RPTOR: variants seen among roughly 807,000 people sequenced by gnomAD.
RPTOR encodes regulatory associated protein of MTOR complex 1, also known as regulatory-associated protein of mTOR.
In RPTOR, 21 loss-of-function variants were observed where a neutral mutation model predicts 169.9. The observed-to-expected ratio is 0.12, with a 90% CI of 0.09 to 0.18. The LOEUF (loss-of-function observed/expected upper bound fraction) is 0.18, where lower values mean the gene tolerates loss of function less well. RPTOR is among the 10% of genes least tolerant of loss of function. RPTOR has a pLI of 1.00. For missense variants in RPTOR, 1,133 were observed against 1,855.9 expected (o/e 0.61, Z 7.16); for synonymous variants, 732 against 753.2 (o/e 0.97, Z 0.46).
chr17:80,740,236 A>G (rs1265418011), intron 5 of RPTOR, among the ~76,000 whole-genome samples: 1 of 152,244 alleles, frequency 6.6e-6, no homozygotes, highest in Non-Finnish European at 1.5e-5. Context: ...GATAATCTGA[A>G]TAGTCATAGA....
At chr17:80,937,021 C>T (rs569733635) in intron 24 of RPTOR, among the ~76,000 whole-genome samples, 5 of 152,284 alleles carry the variant, frequency 3.3e-5, no homozygotes, top group South Asian at 4.2e-4. Context: ...CCTCTGTCCA[C>T]GGAGGGGACT....
intron 7 of RPTOR, among the ~76,000 whole-genome samples, chr17:80,807,788 G>C (rs1004120957): frequency 3.3e-5 from 5 of 151,876 alleles, no homozygotes; most frequent in Non-Finnish European, 7.4e-5. Flanking sequence ...TGAGCATCCT[G>C]TTTTTTCCAT....
At chr17:80,748,023 G>C (rs1403698059) in intron 5 of RPTOR, among the ~76,000 whole-genome samples, 1 of 132,838 alleles carries the variant, frequency 7.5e-6, no homozygotes, top group Non-Finnish European at 1.5e-5. Context: ...GAGGGACTGC[G>C]GTGTGTGTTT....
rs1305413424 is a variant in RPTOR at position 80,651,024 on chromosome 17, A to G, written c.348+7214A>G. 6.6e-6 allele frequency among the ~76,000 whole-genome samples: 1 copy of G among 152,158 alleles called. No homozygotes were observed. Among genetic ancestry groups the G allele is most frequent in the Middle Eastern group, 3.2e-3 (1 of 316 alleles). ...TTGTCTGTGTGTATGACAAATTGCA[A>G]ATGAGGACCCCCCACCGTCAGGCTG... On this transcript the variant is annotated intron_variant, in intron 3 of 33. Coordinates refer to ENST00000306801, the MANE Select transcript of RPTOR (RefSeq NM_020761.3). This position sits in a 1 kb window ranked among gnomAD's most constrained non-coding sequence, Gnocchi z 4.1.
chr17:80,753,976 C>T (rs200854067), intron 5 of RPTOR, 34 bp from the exon 6 acceptor site: 130 of 1,585,608 alleles, frequency 8.2e-5, no homozygotes, highest in African/African-American at 2.7e-5. Context: ...GCAGCTAAAT[C>T]ACACTCTCTT....
intron 4 of RPTOR, among the ~76,000 whole-genome samples, chr17:80,723,445 A>G (rs1278139499): frequency 6.6e-6 from 1 of 151,290 alleles, no homozygotes; most frequent in Non-Finnish European, 1.5e-5. Context: ...GTTTATATCC[A>G]TATGGAGCCA....
chr17:80,842,879 G>C (rs1353940494), intron 10 of RPTOR, among the ~76,000 whole-genome samples: 1 of 152,136 alleles, frequency 6.6e-6, no homozygotes, highest in Non-Finnish European at 1.5e-5. Flanking sequence ...CCGTGTCCGC[G>C]TGGCTCCCTC....
At chr17:80,930,346 A>AGCTCATCCCCT (rs2068872032) in intron 24 of RPTOR, among the ~76,000 whole-genome samples, 1 of 31,572 alleles carries the variant, frequency 3.2e-5, no homozygotes. Context: ...GCTCATCCTC[A>AGCTCATCCCCT]GCTCATCCCC....
intron 3 of RPTOR, among the ~76,000 whole-genome samples, chr17:80,645,817 A>T (rs2065590966): frequency 6.6e-6 from 1 of 152,094 alleles, no homozygotes; most frequent in Non-Finnish European, 1.5e-5. Context: ...TCAGTACAGG[A>T]TGGAGGATTC....
In RPTOR at chr17:80,788,052, A is replaced by G. The variant is rs114886333; in HGVS notation, c.831-3398A>G. Among the ~76,000 whole-genome samples the G allele has an allele frequency of 2.3e-3, 343 of 152,220 alleles. 1 individual carries two copies. Among genetic ancestry groups the G allele is most frequent in the African/African-American group, 7.9e-3 (329 of 41,514 alleles). On this transcript the variant is annotated intron_variant, in intron 6 of 33. Coordinates refer to ENST00000306801, the MANE Select transcript of RPTOR (RefSeq NM_020761.3). The stretch of plus-strand genomic sequence containing the variant: ...GTCATCTGAAAGTGTCTTCCTCATG[A>G]GTCTTTTTGTGACAAGTCTTCTGAG...
chr17:80,950,052 C>T (rs185754303), intron 28 of RPTOR, among the ~76,000 whole-genome samples: 16 of 152,336 alleles, frequency 1.1e-4, no homozygotes, highest in African/African-American at 3.8e-4. Flanking sequence ...TTGCCTGCAC[C>T]GCTGCACGGC....
Position 80,945,648 on chromosome 17 carries a change from TG to T in RPTOR, c.3026-18del. ...AGATGCTGGCTCCTGGATCCACTCT[TG>T]TGTGTTTCTTTTGACAGGCATTACG... On this transcript the variant is annotated intron_variant, in intron 25 of 33. Transcript: ENST00000306801. The T allele has an allele frequency of 6.8e-7, 1 of 1,479,478 alleles. No homozygotes were observed. Among genetic ancestry groups the T allele is most frequent in the Non-Finnish European group, 9.4e-7 (1 of 1,063,796 alleles). The allele number at this position is 1,479,478 out of a possible 1,614,324, so 91.6% of individuals were successfully genotyped here. A position where few individuals can be genotyped will look rare whatever the true frequency, so the allele number is the denominator to read the frequency against.
intron 1 of RPTOR, among the ~76,000 whole-genome samples, chr17:80,546,620 C>T (rs760266206): frequency 5.3e-5 from 8 of 152,184 alleles, no homozygotes; most frequent in Non-Finnish European, 8.8e-5. Flanking sequence ...GTTATTTTCT[C>T]CCTCCAGGCT....
At chr17:80,775,040 G>T (rs2066880408) in intron 6 of RPTOR, among the ~76,000 whole-genome samples, 2 of 152,184 alleles carry the variant, frequency 1.3e-5, no homozygotes, top group Admixed American at 1.3e-4. Context: ...CTTGCTGTCT[G>T]CATCTTCATG....
intron 3 of RPTOR, among the ~76,000 whole-genome samples, chr17:80,645,785 C>G (rs2065590653): frequency 6.6e-6 from 1 of 152,254 alleles, no homozygotes; most frequent in South Asian, 2.1e-4. Flanking sequence ...GTGATGACAG[C>G]CAGAAAGATG....
At chr17:80,679,393 C>A (rs1225675981) in intron 3 of RPTOR, among the ~76,000 whole-genome samples, 1 of 152,206 alleles carries the variant, frequency 6.6e-6, no homozygotes, top group Admixed American at 6.5e-5. Context: ...CGCACAGCCA[C>A]GTTCTCCTCA....
chr17:80,962,977 A>T lies in RPTOR; in HGVS notation c.3859A>T (p.Ile1287Phe). Residue 1287 changes from isoleucine (I) to phenylalanine (F), a missense_variant, in exon 33 of 34, where the codon ATC becomes TTC. Ile to Phe is a conservative substitution (Grantham distance 21). Around this residue, in one of 9 missense-constraint regions of RPTOR, gnomAD observed 410 missense variants for 623.7 expected, o/e 0.66. Coordinates refer to ENST00000306801, the MANE Select transcript of RPTOR (RefSeq NM_020761.3). ...TAIYNSSGEL[I>F]NNIKYYDGFM... ...CATCTACAACAGCAGCGGAGAGCTC[A>T]TCAACAACATCAAGTACTACGACGG... 1 of 1,613,514 alleles carries T rather than the reference A, an allele frequency of 6.2e-7. No homozygotes were observed. The highest frequency in any genetic ancestry group is 1.1e-5 in the South Asian group (1 of 91,068).
intron 3 of RPTOR, among the ~76,000 whole-genome samples, chr17:80,702,700 C>T (rs2066111360): frequency 1.3e-5 from 2 of 152,146 alleles, no homozygotes; most frequent in Non-Finnish European, 1.5e-5. Flanking sequence ...ATCCGTTTTT[C>T]GCAGCCCCAT....
At chr17:80,821,350 T>A (rs1156762363) in intron 7 of RPTOR, among the ~76,000 whole-genome samples, 1 of 152,246 alleles carries the variant, frequency 6.6e-6, no homozygotes, top group Non-Finnish European at 1.5e-5. Context: ...TGCCATCAGA[T>A]GGTTCCTGCA....
Sources: gnomAD v4.1 joint callset for allele counts (sites outside exome capture counted in the v4.1 genomes callset) on GRCh38, gnomAD v4.1.1 for gene constraint, gnomAD v4.1.1 regional missense constraint, Gnocchi (gnomAD v3.1) non-coding constraint, MANE v1.5 for transcripts, NCBI Gene and HGNC (gene_info 2026-07-23, HGNC 2026-07-21) for gene names.